The following FBXL13 variants were observed in gnomAD, a reference collection of about 807,000 sequenced individuals.
FBXL13 encodes the protein F-box and leucine rich repeat protein 13.
In FBXL13, 67 loss-of-function variants were observed where a neutral mutation model predicts 83.6. The observed-to-expected ratio is 0.80, with a 90% CI of 0.66 to 0.98. FBXL13 has a LOEUF of 0.98. FBXL13 is among the 50% of genes least tolerant of loss of function. The probability of loss-of-function intolerance (pLI) is 0.00; values close to 1 mark genes in which losing one functional copy is unlikely to be tolerated. For synonymous variants in FBXL13, 272 were observed against 299.5 expected (o/e 0.91, Z 0.95); for missense variants, 822 against 866.5 (o/e 0.95, Z 0.64).
intron 11 of FBXL13, among the ~76,000 whole-genome samples, chr7:102,911,876 T>C (rs980892582): frequency 6.6e-6 from 1 of 152,184 alleles, no homozygotes; most frequent in Non-Finnish European, 1.5e-5. Context: ...TAAACAAATA[T>C]GAATGTTAGA....
intron 10 of FBXL13, among the ~76,000 whole-genome samples, chr7:102,925,762 A>C (rs1010829244): frequency 2.0e-5 from 3 of 151,760 alleles, no homozygotes; most frequent in Non-Finnish European, 4.4e-5. Flanking sequence ...ACCAACATGG[A>C]GAAACCCCAT....
chr7:103,038,520 C>T (rs981681742), intron 2 of FBXL13, among the ~76,000 whole-genome samples: 3 of 152,194 alleles, frequency 2.0e-5, no homozygotes, highest in African/African-American at 4.8e-5. Flanking sequence ...CAAGCAGGTC[C>T]CTGACCCCCA....
At chr7:102,938,541 A>G (rs1324024279) in intron 8 of FBXL13, among the ~76,000 whole-genome samples, 1 of 152,166 alleles carries the variant, frequency 6.6e-6, no homozygotes, top group Non-Finnish European at 1.5e-5. Flanking sequence ...AGGGGTAATA[A>G]TCAAGTAAAT....
At chr7:102,916,472 T>C (rs1405673035) in intron 10 of FBXL13, among the ~76,000 whole-genome samples, 3 of 152,206 alleles carry the variant, frequency 2.0e-5, no homozygotes, top group African/African-American at 7.2e-5. Context: ...TGGAACCTCA[T>C]GGAACCATCA....
intron 8 of FBXL13, among the ~76,000 whole-genome samples, chr7:102,953,886 T>C (rs183723143): frequency 8.5e-5 from 13 of 152,300 alleles, no homozygotes; most frequent in South Asian, 2.1e-4. Flanking sequence ...GTATATTTCA[T>C]ATGTGTATAT....
At chr7:102,890,011 G>A (rs1306175867) in intron 11 of FBXL13, among the ~76,000 whole-genome samples, 5 of 151,762 alleles carry the variant, frequency 3.3e-5, no homozygotes, top group Admixed American at 6.6e-5. Context: ...GGGGGGTGGG[G>A]GGTAGGGCTC....
At position 102,967,703 on chromosome 7, in the gene FBXL13, G is replaced by C. The variant is rs898352466; in HGVS notation, c.591+319C>G. 7.2e-5 allele frequency among the ~76,000 whole-genome samples: 11 copies of C among 152,160 alleles called. No homozygotes were observed. The South Asian group carries it at 1.0e-3, about 14-fold the overall frequency. ...ACATATAGTCTATGCTCATGAAAAG[G>C]AAGTAGGGACACTGTAATAAAACCA... On this transcript the variant is annotated intron_variant, in intron 7 of 19. Transcript: ENST00000313221.
At chr7:102,851,104 C>T (rs563960586) in intron 17 of FBXL13, among the ~76,000 whole-genome samples, 4 of 152,206 alleles carry the variant, frequency 2.6e-5, no homozygotes, top group East Asian at 1.9e-4. Flanking sequence ...GTCATTTAAG[C>T]GCTCTTGGCC....
At chr7:102,853,288 C>T (rs1805538383) in intron 17 of FBXL13, among the ~76,000 whole-genome samples, 1 of 152,110 alleles carries the variant, frequency 6.6e-6, no homozygotes. Flanking sequence ...AAAACATACT[C>T]ATGTAACCAA....
At chr7:103,044,214 C>T (rs536392888) in intron 2 of FBXL13, among the ~76,000 whole-genome samples, 1 of 152,244 alleles carries the variant, frequency 6.6e-6, no homozygotes, top group East Asian at 1.9e-4. Flanking sequence ...ACAAATTACC[C>T]GTTTCCTTCA....
intron 16 of FBXL13, among the ~76,000 whole-genome samples, chr7:102,857,210 G>T (rs1224153714): frequency 7.3e-6 from 1 of 136,240 alleles, no homozygotes; most frequent in Non-Finnish European, 1.6e-5. Flanking sequence ...AAAACCACAG[G>T]CAACAAAAAC....
chr7:103,061,259 A>T (rs1257310895), intron 1 of FBXL13, among the ~76,000 whole-genome samples: 1 of 152,000 alleles, frequency 6.6e-6, no homozygotes, highest in Non-Finnish European at 1.5e-5. Flanking sequence ...GGTGAGGAGC[A>T]GCAGGCTCTA....
chr7:102,976,519 C>T (rs1827484606), intron 6 of FBXL13, among the ~76,000 whole-genome samples: 1 of 152,176 alleles, frequency 6.6e-6, no homozygotes, highest in Non-Finnish European at 1.5e-5. Context: ...ACCCAAACCC[C>T]TCTGGGGCTT....
intron 17 of FBXL13, among the ~76,000 whole-genome samples, chr7:102,852,808 T>C (rs1441256534): frequency 3.9e-5 from 6 of 152,200 alleles, no homozygotes; most frequent in African/African-American, 1.4e-4. Flanking sequence ...AAAGTAGAAC[T>C]ATCATTTGAT....
chr7:102,865,491 T>G (rs914130313), intron 16 of FBXL13, among the ~76,000 whole-genome samples: 9 of 152,010 alleles, frequency 5.9e-5, no homozygotes. Flanking sequence ...TAATGTACCT[T>G]TTCTTCTCAA....
At chr7:102,929,741 G>A (rs76188337) in intron 9 of FBXL13, among the ~76,000 whole-genome samples, 2,149 of 151,992 alleles carry the variant, frequency 0.014, 19 homozygotes, top group Non-Finnish European at 0.022. Context: ...AGGGCCGGGG[G>A]TTGAGAGAAA....
At chr7:102,940,738 G>A (rs1312074476) in intron 8 of FBXL13, among the ~76,000 whole-genome samples, 2 of 152,108 alleles carry the variant, frequency 1.3e-5, no homozygotes, top group African/African-American at 4.8e-5. Context: ...AAAGCCTCTG[G>A]CGAAAATGAG....
chr7:102,912,904 G>T, intron 11 of FBXL13, 182 bp downstream of exon 12: 1 of 695,524 alleles, frequency 1.4e-6, no homozygotes, highest in Non-Finnish European at 2.3e-6. Context: ...GTGGAAGGAA[G>T]CCAAGAGCCT....
chr7:103,010,610 C>T (rs1791501709), intron 6 of FBXL13, among the ~76,000 whole-genome samples: 1 of 152,116 alleles, frequency 6.6e-6, no homozygotes, highest in Non-Finnish European at 1.5e-5. Context: ...GTGATTCTGC[C>T]ATTCCCAGTT....
Sources: gnomAD v4.1 joint callset for allele counts (sites outside exome capture counted in the v4.1 genomes callset) on GRCh38, gnomAD v4.1.1 for gene constraint, MANE v1.5 for transcripts, NCBI Gene and HGNC (gene_info 2026-07-23, HGNC 2026-07-21) for gene names.